The following PACRG variants were observed in gnomAD, a reference collection of about 807,000 sequenced individuals.
PACRG encodes parkin coregulated gene protein.
Under a neutral mutation model 29.7 loss-of-function variants are expected in PACRG, and 29 were observed. The ratio of observed to expected loss-of-function variants is 0.98; its 90% CI spans 0.73 to 1.33. PACRG has a LOEUF of 1.33. Ranked by LOEUF, PACRG falls within the 40% of genes most tolerant of loss-of-function variation. PACRG has a pLI of 0.00. For synonymous variants in PACRG, 116 were observed against 118.7 expected (o/e 0.98, Z 0.15); for missense variants, 279 against 316.2 (o/e 0.88, Z 0.89).
At chr6:162,975,529 T>A (rs540067652) in intron 2 of PACRG, among the ~76,000 whole-genome samples, 1 of 152,358 alleles carries the variant, frequency 6.6e-6, no homozygotes, top group East Asian at 1.9e-4. Context: ...TAAAGCACTC[T>A]GTTCATTTGT....
At chr6:162,998,580 CT>C (rs1388609089) in intron 2 of PACRG, among the ~76,000 whole-genome samples, 2 of 152,060 alleles carry the variant, frequency 1.3e-5, no homozygotes, top group Non-Finnish European at 2.9e-5. Context: ...GCATGGTGTT[CT>C]TTTCTTTATG....
rs984203122 is a variant in PACRG at position 162,845,504 on chromosome 6, A to T, written c.291+31223A>T. 2.7e-4 allele frequency among the ~76,000 whole-genome samples: 41 copies of T among 152,088 alleles called. 1 individual carries two copies. Among genetic ancestry groups the T allele is most frequent in the Non-Finnish European group, 8.8e-5 (6 of 68,020 alleles). ...AAATATTTGCTAAAAAATTTCAAGT[A>T]TACACAGTTTTAGACATTTCTTGTA... On this transcript the variant is annotated intron_variant, in intron 2 of 4. Transcript: ENST00000366888.
chr6:163,282,522 C>T (rs1020116006), intron 4 of PACRG, among the ~76,000 whole-genome samples: 1 of 152,034 alleles, frequency 6.6e-6, no homozygotes, highest in Non-Finnish European at 1.5e-5. Flanking sequence ...ACCAGCCTGA[C>T]CAACATGGTG....
chr6:162,855,809 G>T (rs1007647525), intron 2 of PACRG, among the ~76,000 whole-genome samples: 9 of 152,142 alleles, frequency 5.9e-5, no homozygotes, highest in African/African-American at 2.2e-4. Context: ...GCAGTTCCTG[G>T]AGCACAGTGG....
At chr6:162,982,093 A>G (rs1232308261) in intron 2 of PACRG, among the ~76,000 whole-genome samples, 2 of 151,956 alleles carry the variant, frequency 1.3e-5, no homozygotes, top group Non-Finnish European at 2.9e-5. Flanking sequence ...AGGTGTCTAC[A>G]GTAGCTTTAA....
intron 2 of PACRG, among the ~76,000 whole-genome samples, chr6:162,924,603 A>G (rs1797297534): frequency 6.6e-6 from 1 of 152,026 alleles, no homozygotes; most frequent in South Asian, 2.1e-4. Flanking sequence ...GAAGAGATGT[A>G]GAATTTTATT....
chr6:162,992,952 G>A (rs185478229), intron 2 of PACRG, among the ~76,000 whole-genome samples: 15 of 151,732 alleles, frequency 9.9e-5, no homozygotes, highest in Admixed American at 3.3e-4. Flanking sequence ...CTCTGTTCTC[G>A]TTGGTTTCAA....
At chr6:162,957,257 C>T (rs887147671) in intron 2 of PACRG, 10 of 499,702 alleles carry the variant, frequency 2.0e-5, no homozygotes, top group African/African-American at 5.8e-5. Flanking sequence ...AGTGCTTATG[C>T]TGTCAACACT....
rs137915581 is a variant in PACRG, at chr6:162,758,957, T to C, written c.156+30566T>C. On this transcript the variant is annotated intron_variant, in intron 1 of 4. Coordinates refer to ENST00000366888, the MANE Select transcript of PACRG (RefSeq NM_001080379.2). ...TTTTGACCCACTATATAAAAAATTATAAGATTTTGGAAAGTTCTTCATATT... is the reference window on the plus strand; with the variant it reads ...TTTTGACCCACTATATAAAAAATTACAAGATTTTGGAAAGTTCTTCATATT... Among the ~76,000 whole-genome samples the C allele has an allele frequency of 3.0e-3, 450 of 152,348 alleles. 7 individuals are homozygous for C. The highest frequency in any genetic ancestry group is 0.027 in the Admixed American group (415 of 15,308).
At chr6:162,902,809 A>G (rs985686888) in intron 2 of PACRG, among the ~76,000 whole-genome samples, 1 of 152,234 alleles carries the variant, frequency 6.6e-6, no homozygotes, top group Non-Finnish European at 1.5e-5. Flanking sequence ...TCTCCCAAAA[A>G]GGAAATAAAG....
chr6:162,914,518 T>G (rs1451372532), intron 2 of PACRG, among the ~76,000 whole-genome samples: 5 of 147,578 alleles, frequency 3.4e-5, no homozygotes, highest in East Asian at 3.9e-4. Context: ...GTTTTTTTTT[T>G]TTTTTTTTTT....
intron 2 of PACRG, chr6:163,043,039 G>T (rs1220346958): frequency 6.6e-6 from 1 of 152,046 alleles, no homozygotes; most frequent in Non-Finnish European, 1.5e-5. Context: ...TCACTTTCTG[G>T]AAACGTATTC....
chr6:163,095,748 T>A (rs1490265933), intron 4 of PACRG, among the ~76,000 whole-genome samples: 1 of 152,194 alleles, frequency 6.6e-6, no homozygotes. Flanking sequence ...TCATAAGGAT[T>A]GGATTAAGGG....
At chr6:162,844,619 C>A (rs759908860) in intron 2 of PACRG, among the ~76,000 whole-genome samples, 2 of 152,206 alleles carry the variant, frequency 1.3e-5, no homozygotes, top group Non-Finnish European at 2.9e-5. Flanking sequence ...TTGGCTCCTC[C>A]CTTAACATCA....
chr6:162,746,562 A>G (rs1046677217), intron 1 of PACRG, among the ~76,000 whole-genome samples: 3 of 152,226 alleles, frequency 2.0e-5, no homozygotes, highest in African/African-American at 7.2e-5. Context: ...ACACATTCAC[A>G]CAAAATTATC....
At chr6:162,971,309 G>T (rs927262358) in intron 2 of PACRG, among the ~76,000 whole-genome samples, 8 of 152,172 alleles carry the variant, frequency 5.3e-5, no homozygotes, top group African/African-American at 1.9e-4. Context: ...TACAAAATAT[G>T]GATCATGGAC....
intron 2 of PACRG, among the ~76,000 whole-genome samples, chr6:163,052,207 A>G (rs1047763073): frequency 1.3e-5 from 2 of 152,160 alleles, no homozygotes; most frequent in African/African-American, 2.4e-5. Flanking sequence ...AGCTGCCTCA[A>G]GGGTTGAGAA....
chr6:163,113,198 G>C (rs1478980311), intron 4 of PACRG, among the ~76,000 whole-genome samples: 2 of 152,116 alleles, frequency 1.3e-5, no homozygotes, highest in Non-Finnish European at 2.9e-5. Flanking sequence ...CAGAATCTGA[G>C]GAATAGAAAG....
intron 2 of PACRG, among the ~76,000 whole-genome samples, chr6:162,836,665 T>C (rs551930050): frequency 1.3e-5 from 2 of 152,326 alleles, no homozygotes; most frequent in East Asian, 3.9e-4. Flanking sequence ...TTTTTATACC[T>C]TCAATCTTGC....
Sources: allele counts gnomAD v4.1 joint callset (sites outside exome capture counted in the v4.1 genomes callset), GRCh38; gene constraint gnomAD v4.1.1; transcripts MANE v1.5; gene names NCBI Gene and HGNC (gene_info 2026-07-23, HGNC 2026-07-21).